The following KCNMB3 variants were observed in gnomAD, a reference collection of about 807,000 sequenced individuals.
KCNMB3 encodes the protein calcium-activated potassium channel subunit beta-3.
A neutral mutation model predicts 11.9 loss-of-function variants in KCNMB3; 18 were observed. The observed-to-expected ratio is 1.51, with a 90% CI of 1.04 to 2.23. The LOEUF (loss-of-function observed/expected upper bound fraction) is 2.23. Ranked by LOEUF, KCNMB3 falls within the 30% of genes most tolerant of loss-of-function variation. KCNMB3 has a pLI of 0.00. For synonymous variants in KCNMB3, 78 were observed against 119.2 expected (o/e 0.65, Z 2.25); for missense variants, 247 against 329.4 (o/e 0.75, Z 1.94).
intron 1 of KCNMB3, among the ~76,000 whole-genome samples, chr3:179,263,785 TTTTC>T (rs1379385051): frequency 6.8e-6 from 1 of 146,806 alleles, no homozygotes; most frequent in African/African-American, 2.5e-5. Flanking sequence ...TCTGTTTTGT[TTTTC>T]TTTTTCTTTT....
chr3:179,247,606 A>T (rs935136709), intron 1 of KCNMB3, among the ~76,000 whole-genome samples: 1 of 152,196 alleles, frequency 6.6e-6, no homozygotes, highest in Non-Finnish European at 1.5e-5. Flanking sequence ...GTTTCCTAGC[A>T]GCCAAAGCAA....
chr3:179,244,156 T>G (rs1725556272), intron 2 of KCNMB3, among the ~76,000 whole-genome samples: 1 of 152,168 alleles, frequency 6.6e-6, no homozygotes, highest in Non-Finnish European at 1.5e-5. Context: ...GAAAAATTAC[T>G]TGATTCAAGG....
At chr3:179,260,269 C>G in intron 1 of KCNMB3, 1 of 1,614,048 alleles carries the variant, frequency 6.2e-7, no homozygotes, top group Non-Finnish European at 8.5e-7. Flanking sequence ...CCCATGACCT[C>G]ATTTGACTCA....
chr3:179,262,575 G>C (rs1487899967), intron 1 of KCNMB3, among the ~76,000 whole-genome samples: 1 of 152,248 alleles, frequency 6.6e-6, no homozygotes, highest in African/African-American at 2.4e-5. Flanking sequence ...GGTTGCCACT[G>C]CTGGCTGGGG....
intron 1 of KCNMB3, among the ~76,000 whole-genome samples, chr3:179,265,880 A>G (rs1726358953): frequency 6.6e-6 from 1 of 152,230 alleles, no homozygotes; most frequent in Non-Finnish European, 1.5e-5. Flanking sequence ...GCAGGTCACT[A>G]GAGGCTTTCA....
At chr3:179,243,801 G>C (rs549252215) in intron 2 of KCNMB3, among the ~76,000 whole-genome samples, 2 of 152,286 alleles carry the variant, frequency 1.3e-5, no homozygotes, top group African/African-American at 4.8e-5. Flanking sequence ...GTGGAGAAGG[G>C]AGCTCTGTCA....
chr3:179,240,074 A>G (rs939060436), downstream of KCNMB3: 5 of 840,030 alleles, frequency 6.0e-6, no homozygotes, highest in Non-Finnish European at 6.5e-6. Flanking sequence ...GCTGTTTATT[A>G]AAAAAAAAAA....
upstream of KCNMB3, among the ~76,000 whole-genome samples, chr3:179,251,848 A>T (rs1345057213): frequency 6.6e-6 from 1 of 151,912 alleles, no homozygotes; most frequent in African/African-American, 2.4e-5. Flanking sequence ...CAGCCTCCCT[A>T]GTAGCTGGGA....
In KCNMB3 at chr3:179,244,494, C is replaced by T; in HGVS notation, c.447+1G>A. On this transcript the variant is annotated splice_donor_variant, in intron 2 of 2. Coordinates refer to ENST00000392685, the MANE Select transcript of KCNMB3 (RefSeq NM_171830.2). LOFTEE classifies it high-confidence loss of function. ...TAAGAACTCTTTAAACTTTACAATA[C>T]CTTGGGATTTATCTGGACAGCCTCT... is the stretch of plus-strand genomic sequence containing the variant. The T allele has an allele frequency of 6.2e-7, 1 of 1,613,384 alleles. No homozygotes were observed. The highest frequency in any genetic ancestry group is 8.5e-7 in the Non-Finnish European group (1 of 1,179,308).
At chr3:179,249,743 G>A (rs971567434) in intron 1 of KCNMB3, among the ~76,000 whole-genome samples, 13 of 152,202 alleles carry the variant, frequency 8.5e-5, no homozygotes, top group Admixed American at 7.9e-4. Context: ...TAGATGAAAT[G>A]AAGCTGGAAG....
downstream of KCNMB3, chr3:179,240,242 C>G (rs1214877293): frequency 5.8e-6 from 3 of 520,002 alleles, no homozygotes; most frequent in Non-Finnish European, 6.8e-6. Context: ...ACTAAGAATA[C>G]TTGATTGAAA....
At chr3:179,248,051 C>T (rs912758180) in intron 1 of KCNMB3, among the ~76,000 whole-genome samples, 1 of 152,136 alleles carries the variant, frequency 6.6e-6, no homozygotes, top group East Asian at 1.9e-4. Flanking sequence ...TGTGGGCCAT[C>T]CTACAAAATT....
chr3:179,260,952 G>C, intron 1 of KCNMB3: 1 of 1,082,448 alleles, frequency 9.2e-7, no homozygotes, highest in Non-Finnish European at 1.4e-6. Flanking sequence ...ACTTCTGCTA[G>C]AGAGTCCTTG....
chr3:179,264,689 C>G (rs1180105852), intron 1 of KCNMB3, among the ~76,000 whole-genome samples: 1 of 152,162 alleles, frequency 6.6e-6, no homozygotes, highest in Non-Finnish European at 1.5e-5. Flanking sequence ...AAGCCAGCAG[C>G]CTCTCCCTCC....
intron 1 of KCNMB3, chr3:179,261,063 G>A (rs1726190375): frequency 7.5e-6 from 8 of 1,064,408 alleles, no homozygotes; most frequent in South Asian, 6.2e-5. Flanking sequence ...GCTGCAGACG[G>A]GCCCAGCATG....
At chr3:179,253,791 G>A (rs924913227), upstream of KCNMB3, among the ~76,000 whole-genome samples, 7 of 151,834 alleles carry the variant, frequency 4.6e-5, no homozygotes, top group Non-Finnish European at 7.4e-5. Context: ...GGGCGACAGA[G>A]TGAGACTCCA....
At chr3:179,242,644 T>C, downstream of KCNMB3, 1 of 388,138 alleles carries the variant, frequency 2.6e-6, no homozygotes, top group Non-Finnish European at 4.2e-6. Flanking sequence ...TATCTTGAAC[T>C]CATTTTGCTA....
At position 179,250,828 on chromosome 3, in the gene KCNMB3, C is replaced by A. The variant is rs755395605; in HGVS notation, c.163G>T (p.Val55Leu). The A allele has an allele frequency of 6.2e-7, 1 of 1,614,188 alleles. No homozygotes were observed. The highest frequency in any genetic ancestry group is 1.7e-5 in the Admixed American group (1 of 60,028). ...CCCATCATGGCAAACCCCAGCATCA[C>A]GGCTCGGTCCTCTCCAGCACTGGAT... The part of the protein sequence containing the change: ...LPSSAGEDRA[V>L]MLGFAMMGFS... Residue 55 changes from valine to leucine, a missense_variant, in exon 1 of 3, where the codon GTG becomes TTG. Val to Leu is a conservative substitution (Grantham distance 32). Transcript: ENST00000392685.
intron 1 of KCNMB3, among the ~76,000 whole-genome samples, chr3:179,258,048 C>A (rs1198372929): frequency 6.6e-6 from 1 of 152,128 alleles, no homozygotes; most frequent in Non-Finnish European, 1.5e-5. Flanking sequence ...CCACGCCTGG[C>A]CAATTTTTTG....
Sources: allele counts gnomAD v4.1 joint callset (sites outside exome capture counted in the v4.1 genomes callset), GRCh38; gene constraint gnomAD v4.1.1; transcripts MANE v1.5; gene names NCBI Gene and HGNC (gene_info 2026-07-23, HGNC 2026-07-21).